Variants in TNPO3 observed in about 807,000 individuals in gnomAD.
TNPO3 encodes transportin 3, also known as transportin-3.
A neutral mutation model predicts 122.8 loss-of-function variants in TNPO3; 65 were observed. The ratio of observed to expected loss-of-function variants is 0.53; its 90% CI spans 0.43 to 0.65. The LOEUF is 0.65. Among genes scored for constraint, TNPO3 ranks in the 30% least tolerant of loss-of-function variants. The pLI, the probability that TNPO3 is intolerant of heterozygous loss-of-function variation, is 0.00. For missense variants in TNPO3, 850 were observed against 1,136.7 expected, an observed-to-expected ratio of 0.75 and a Z score of 3.63; for synonymous variants, 372 against 411.2, an observed-to-expected ratio of 0.90 and a Z score of 1.15.
chr7:129,007,355 A>G (rs1008145415), intron 4 of TNPO3, among the ~76,000 whole-genome samples: 2 of 152,238 alleles, frequency 1.3e-5, no homozygotes, highest in African/African-American at 4.8e-5. Flanking sequence ...CAAAGATATG[A>G]TTAATATCAA....
intron 1 of TNPO3, among the ~76,000 whole-genome samples, chr7:129,045,950 A>G (rs559199591): frequency 6.6e-5 from 10 of 152,340 alleles, no homozygotes; most frequent in Non-Finnish European, 1.3e-4. Flanking sequence ...CTGTAATCCC[A>G]GCACTCTGGG....
At chr7:129,016,322 A>G (rs768066067) in intron 3 of TNPO3, among the ~76,000 whole-genome samples, 6 of 152,150 alleles carry the variant, frequency 3.9e-5, no homozygotes, top group Admixed American at 6.5e-5. Flanking sequence ...TGAACCCAGG[A>G]GGTGGAGGTT....
At chr7:128,968,892 AAT>A (rs1798180415) in intron 20 of TNPO3, among the ~76,000 whole-genome samples, 2 of 149,078 alleles carry the variant, frequency 1.3e-5, no homozygotes. Flanking sequence ...AAAGAAAAAA[AAT>A]TTTTTTTTTT....
chr7:129,013,779 G>A (rs544273459), intron 4 of TNPO3, among the ~76,000 whole-genome samples: 5 of 152,176 alleles, frequency 3.3e-5, no homozygotes, highest in African/African-American at 4.8e-5. Flanking sequence ...TGAAATATTC[G>A]TTAGCCACAA....
intron 18 of TNPO3, among the ~76,000 whole-genome samples, chr7:128,974,336 A>G (rs1798839519): frequency 6.7e-6 from 1 of 149,752 alleles, no homozygotes; most frequent in Non-Finnish European, 1.5e-5. Flanking sequence ...TTTTGGTTCA[A>G]ATTCCTTAGT....
At chr7:129,026,330 G>A (rs1218894622) in intron 1 of TNPO3, among the ~76,000 whole-genome samples, 1 of 151,212 alleles carries the variant, frequency 6.6e-6, no homozygotes, top group African/African-American at 2.4e-5. Flanking sequence ...ATGCAAAACT[G>A]GTTAACTTGG....
At chr7:128,978,958 G>C in intron 16 of TNPO3, 25 bp downstream of exon 16, 1 of 1,612,314 alleles carries the variant, frequency 6.2e-7, no homozygotes, top group Non-Finnish European at 8.5e-7. Context: ...CATGGAACAC[G>C]TCCCCCCGCA....
In TNPO3 at chr7:128,984,247, ACAAGTGCTGT is replaced by A. The variant is rs1799922219; in HGVS notation, c.1693_1702del (p.Thr565SerfsTer2). The A allele has an allele frequency of 6.2e-7, 1 of 1,611,298 alleles. No individual in the cohort carries two copies. The highest frequency in any genetic ancestry group is 8.5e-7 in the Non-Finnish European group (1 of 1,178,826). On this transcript the variant is annotated frameshift_variant and splice_region_variant, in exon 13 of 23. Coordinates refer to ENST00000265388, the MANE Select transcript of TNPO3 (RefSeq NM_012470.4). LOFTEE classifies it high-confidence loss of function. Reference sequence around the variant, plus strand: ...CTTATCCAAAGGTAATCGGGCTAGGACAAGTGCTGTCCCTGAAAAACAAAGGAAGATACAA... The same window carrying A: ...CTTATCCAAAGGTAATCGGGCTAGGACCCTGAAAAACAAAGGAAGATACAA...
At chr7:129,054,270 C>A (rs1191301016) in intron 1 of TNPO3, among the ~76,000 whole-genome samples, 2 of 151,932 alleles carry the variant, frequency 1.3e-5, no homozygotes, top group African/African-American at 4.8e-5. Context: ...GGAGGGGAGA[C>A]GAATAAAGCC....
At chr7:128,996,381 T>G (rs1801316723) in intron 8 of TNPO3, among the ~76,000 whole-genome samples, 1 of 152,116 alleles carries the variant, frequency 6.6e-6, no homozygotes, top group Non-Finnish European at 1.5e-5. Flanking sequence ...TGGGGCAAAA[T>G]CATACACACA....
intron 12 of TNPO3, 114 bp downstream of exon 12, chr7:128,986,615 T>C: frequency 1.0e-6 from 1 of 968,430 alleles, no homozygotes; most frequent in Non-Finnish European, 1.5e-6. Flanking sequence ...CCTCATCTTA[T>C]AAATTCTTAA....
chr7:129,036,889 A>C (rs1388769081), intron 1 of TNPO3, among the ~76,000 whole-genome samples: 1 of 152,212 alleles, frequency 6.6e-6, no homozygotes. Context: ...ACAACTGAAG[A>C]ATTATAGATT....
intron 15 of TNPO3, 70 bp from the exon 16 acceptor site, chr7:128,979,193 G>T: frequency 6.4e-7 from 1 of 1,566,742 alleles, no homozygotes; most frequent in East Asian, 2.3e-5. Context: ...CTGCTAAGTT[G>T]GTAACACCTC....
chr7:129,024,139 T>C (rs1377381431), intron 1 of TNPO3, among the ~76,000 whole-genome samples: 2 of 152,184 alleles, frequency 1.3e-5, no homozygotes, highest in African/African-American at 2.4e-5. Context: ...GTCAAAGGAA[T>C]CTTTGGAGCT....
At chr7:128,968,957 G>A (rs1452199145) in intron 20 of TNPO3, among the ~76,000 whole-genome samples, 4 of 151,750 alleles carry the variant, frequency 2.6e-5, no homozygotes, top group East Asian at 1.9e-4. Flanking sequence ...AGCTCCTGGC[G>A]TCAAGTGATC....
At chr7:129,027,715 T>A (rs895529776) in intron 1 of TNPO3, among the ~76,000 whole-genome samples, 18 of 152,090 alleles carry the variant, frequency 1.2e-4, no homozygotes, top group African/African-American at 3.9e-4. Context: ...GTTCACTCTT[T>A]GGCTCCACTT....
intron 1 of TNPO3, chr7:129,029,104 T>G (rs1212708537): frequency 4.0e-6 from 1 of 248,016 alleles, no homozygotes; most frequent in Non-Finnish European, 8.0e-6. Flanking sequence ...CAGTCAATTA[T>G]AATGACAGCA....
At chr7:128,956,059 A>G (rs1386276453) in intron 22 of TNPO3, among the ~76,000 whole-genome samples, 3 of 152,218 alleles carry the variant, frequency 2.0e-5, no homozygotes, top group Admixed American at 6.5e-5. Context: ...AGGGCACAAT[A>G]AAAGTTAACC....
rs1461757728 is a variant in TNPO3, at chr7:129,021,904, TC to T, written c.121-3748del. Reference sequence around the variant, plus strand: ...GGAATTTCACATGTGACTAAACACATCAGATAATGTCTTAAGAGAAACACAT... The same window carrying T: ...GGAATTTCACATGTGACTAAACACATAGATAATGTCTTAAGAGAAACACAT... On this transcript the variant is annotated intron_variant, in intron 1 of 22. Coordinates refer to ENST00000265388, the MANE Select transcript of TNPO3 (RefSeq NM_012470.4). Among the ~76,000 whole-genome samples, 17 of 151,958 alleles carry T rather than the reference TC, an allele frequency of 1.1e-4. No homozygotes were observed. In the South Asian group the frequency reaches 2.9e-3, roughly 26 times the overall value.
Sources: gnomAD v4.1 joint callset for allele counts (sites outside exome capture counted in the v4.1 genomes callset) on GRCh38, gnomAD v4.1.1 for gene constraint, MANE v1.5 for transcripts, NCBI Gene and HGNC (gene_info 2026-07-23, HGNC 2026-07-21) for gene names.